The following POLI variants were observed in gnomAD, a reference collection of about 807,000 sequenced individuals.
POLI encodes the protein DNA polymerase iota.
POLI carries 58 observed loss-of-function variants against 51.6 expected under a neutral mutation model. The observed-to-expected ratio is 1.12, with a 90% CI of 0.91 to 1.40. POLI has a LOEUF of 1.40. Among genes scored for constraint, POLI ranks in the 40% most tolerant of loss-of-function variants. The pLI is 0.00. For missense variants in POLI, 921 were observed against 871.3 expected, an observed-to-expected ratio of 1.06 and a Z score of -0.72; for synonymous variants, 322 against 299.7, an observed-to-expected ratio of 1.07 and a Z score of -0.77.
At chr18:54,279,290 C>G (rs1354069052) in intron 4 of POLI, among the ~76,000 whole-genome samples, 2 of 147,396 alleles carry the variant, frequency 1.4e-5, no homozygotes, top group Non-Finnish European at 3.0e-5. Flanking sequence ...TCGCCCAGGC[C>G]GGAGTGCAGT....
intron 1 of POLI, chr18:54,270,420 G>C (rs1045287869): frequency 2.0e-5 from 3 of 152,212 alleles, no homozygotes; most frequent in African/African-American, 7.2e-5. Flanking sequence ...CCTCAGCTTC[G>C]AAAAGTATTG....
At chr18:54,302,580 G>T (rs1429229243), downstream of POLI, among the ~76,000 whole-genome samples, 1 of 151,752 alleles carries the variant, frequency 6.6e-6, no homozygotes, top group African/African-American at 2.4e-5. Context: ...TGGTAAATGG[G>T]GTATCCATCC....
chr18:54,305,807 G>A (rs1468166800), intron 3 of POLI, among the ~76,000 whole-genome samples: 1 of 151,798 alleles, frequency 6.6e-6, no homozygotes, highest in Non-Finnish European at 1.5e-5. Context: ...CACCCAGGCT[G>A]GAGTGCAGTG....
At position 54,306,668 on chromosome 18, in the gene POLI, C is replaced by A. The variant is rs528995803; in HGVS notation, c.334-13605C>A. Reference sequence around the variant, plus strand: ...GGAATGGTACCAGCTCCTCTTTGTACCTCTGGTAGAATTCGGCTGTGAATT... The same window carrying A: ...GGAATGGTACCAGCTCCTCTTTGTAACTCTGGTAGAATTCGGCTGTGAATT... On this transcript the variant is annotated intron_variant, in intron 3 of 4. Transcript: ENST00000579823. 6.6e-5 allele frequency among the ~76,000 whole-genome samples: 10 copies of A among 152,204 alleles called. No individual in the cohort carries two copies. In the South Asian group the frequency reaches 2.1e-3, roughly 32 times the overall value.
intron 3 of POLI, among the ~76,000 whole-genome samples, chr18:54,316,714 A>G (rs368803621): frequency 1.4e-4 from 22 of 152,324 alleles, no homozygotes; most frequent in African/African-American, 4.8e-4. Flanking sequence ...AACAATGAGG[A>G]AACTGCTTTA....
intron 3 of POLI, among the ~76,000 whole-genome samples, chr18:54,314,424 T>C (rs2088706575): frequency 6.6e-6 from 1 of 152,206 alleles, no homozygotes; most frequent in Non-Finnish European, 1.5e-5. Flanking sequence ...AATATTGGCC[T>C]GAAGTTTTCT....
chr18:54,273,375 T>C (rs2087093059), intron 2 of POLI, among the ~76,000 whole-genome samples: 2 of 146,294 alleles, frequency 1.4e-5, no homozygotes, highest in African/African-American at 5.3e-5. Context: ...TGTACTCAAT[T>C]ATTTTCATCC....
chr18:54,311,173 C>T, intron 3 of POLI: 1 of 848,904 alleles, frequency 1.2e-6, no homozygotes, highest in Non-Finnish European at 1.4e-6. Flanking sequence ...AAGTTACTGA[C>T]AATTGTAACC....
Position 54,294,021 on chromosome 18 carries a change from C to G in POLI, c.1777C>G (p.Gln593Glu). The change falls in exon 10 of 10, where the codon CAG becomes GAG. Residue 593 changes from glutamine (Q) to glutamate (E), a missense_variant. By Grantham distance (29) the Gln-to-Glu change is conservative. Coordinates refer to ENST00000579534, the MANE Select transcript of POLI (RefSeq NM_007195.3). The stretch of plus-strand genomic sequence containing the variant: ...TAGAGATCATTTATCCAGTAGCAAA[C>G]AGGTATCCTCTGTATCTCCTTGTGA... The part of the protein sequence containing the change: ...NPRDHLSSSK[Q>E]VSSVSPCEPG... 6.2e-7 allele frequency: 1 copy of G among 1,613,536 alleles called. No individual in the cohort carries two copies. Among genetic ancestry groups the G allele is most frequent in the Non-Finnish European group, 8.5e-7 (1 of 1,179,628 alleles).
downstream of POLI, among the ~76,000 whole-genome samples, chr18:54,298,468 C>A (rs1181530592): frequency 1.3e-5 from 2 of 152,132 alleles, no homozygotes; most frequent in Non-Finnish European, 2.9e-5. Context: ...CATTAGCATA[C>A]AGTGTCAGGG....
chr18:54,280,588 C>G, intron 4 of POLI, 79 bp from the exon 5 acceptor site: 1 of 891,884 alleles, frequency 1.1e-6, no homozygotes, highest in Non-Finnish European at 1.8e-6. Context: ...AGACTAAGCC[C>G]TCTACCTTTT....
intron 3 of POLI, among the ~76,000 whole-genome samples, chr18:54,314,178 A>C (rs923342908): frequency 3.9e-5 from 6 of 152,160 alleles, no homozygotes; most frequent in African/African-American, 7.2e-5. Flanking sequence ...AATTTTGTCA[A>C]AAGCCTCTTC....
intron 3 of POLI, among the ~76,000 whole-genome samples, chr18:54,315,138 G>A (rs376090891): frequency 2.6e-5 from 4 of 152,004 alleles, no homozygotes; most frequent in South Asian, 2.1e-4. Context: ...CTTCAGCTGC[G>A]TCCAAATATT....
intron 9 of POLI, 92 bp downstream of exon 9, chr18:54,292,130 A>G (rs1196523044): frequency 3.6e-5 from 28 of 781,784 alleles, no homozygotes; most frequent in Non-Finnish European, 5.1e-5. Flanking sequence ...TCTTTTTGAT[A>G]TAGTTTAGAG....
chr18:54,274,087 A>T lies in POLI; in HGVS notation c.403A>T (p.Thr135Ser). Residue 135 changes from threonine to serine, a missense_variant, in exon 3 of 10, where the codon ACA becomes TCA. Transcript: ENST00000579534. The part of the protein sequence containing the change: ...TRYREMSYKV[T>S]ELLEEFSPVV... ...CTACAGAGAAATGTCTTATAAGGTTACAGGTACAAATGATAAGCAATGTAC... is the reference window on the plus strand; with the variant it reads ...CTACAGAGAAATGTCTTATAAGGTTTCAGGTACAAATGATAAGCAATGTAC... 1 of 1,415,290 alleles carries T rather than the reference A, an allele frequency of 7.1e-7. No homozygotes were observed. The highest frequency in any genetic ancestry group is 9.3e-7 in the Non-Finnish European group (1 of 1,072,620). The allele number at this position is 1,415,290 out of a possible 1,614,324, so 87.7% of individuals were successfully genotyped here.
chr18:54,299,949 C>T (rs1268048677), downstream of POLI, among the ~76,000 whole-genome samples: 1 of 151,814 alleles, frequency 6.6e-6, no homozygotes, highest in Non-Finnish European at 1.5e-5. Context: ...GGTCTGACAT[C>T]CTCAAATAAA....
At chr18:54,273,414 C>G (rs2087096733) in intron 2 of POLI, among the ~76,000 whole-genome samples, 1 of 149,866 alleles carries the variant, frequency 6.7e-6, no homozygotes, top group African/African-American at 2.5e-5. Flanking sequence ...AGAACATGCC[C>G]TATTATATGG....
chr18:54,296,286 A>T lies in POLI; in HGVS notation c.*1819A>T. 1 of 985,334 alleles carries T rather than the reference A, an allele frequency of 1.0e-6. No individual in the cohort carries two copies. Among genetic ancestry groups the T allele is most frequent in the Non-Finnish European group, 1.2e-6 (1 of 829,838 alleles). The allele number at this position is 985,334 out of a possible 1,614,324, so 61.0% of individuals were successfully genotyped here. Reference sequence around the variant, plus strand: ...TGGCCAGCTTAAAAAGAGAAAGCAAAATAGTTAAAAATACATTTCATAGAT... The same window carrying T: ...TGGCCAGCTTAAAAAGAGAAAGCAATATAGTTAAAAATACATTTCATAGAT... On this transcript the variant is annotated 3_prime_UTR_variant, in exon 10 of 10. Coordinates refer to ENST00000579534, the MANE Select transcript of POLI (RefSeq NM_007195.3).
At chr18:54,298,588 CTTT>C (rs145052748), downstream of POLI, among the ~76,000 whole-genome samples, 9 of 114,882 alleles carry the variant, frequency 7.8e-5, no homozygotes, top group Admixed American at 9.2e-5. Flanking sequence ...ACTACAGAAT[CTTT>C]TTTTTTTTTT....
Sources: allele counts gnomAD v4.1 joint callset (sites outside exome capture counted in the v4.1 genomes callset), GRCh38; gene constraint gnomAD v4.1.1; transcripts MANE v1.5; gene names NCBI Gene and HGNC (gene_info 2026-07-23, HGNC 2026-07-21).